The following LUC7L2 variants were observed in gnomAD, a reference collection of about 807,000 sequenced individuals.
LUC7L2 encodes LUC7 like 2, pre-mRNA splicing factor, also known as putative RNA-binding protein Luc7-like 2.
In LUC7L2, 25 loss-of-function variants were observed where a neutral mutation model predicts 52.8. The ratio of observed to expected loss-of-function variants is 0.47; its 90% CI spans 0.34 to 0.66. The LOEUF (loss-of-function observed/expected upper bound fraction) is 0.66. Ranked by LOEUF, LUC7L2 falls within the 30% of genes least tolerant of loss-of-function variation. LUC7L2 has a pLI of 0.01. For synonymous variants in LUC7L2, 144 were observed against 160.9 expected (o/e 0.89, Z 0.80); for missense variants, 328 against 497.8 (o/e 0.66, Z 3.25).
At chr7:139,346,547 G>C (rs1268277188) in intron 1 of LUC7L2, among the ~76,000 whole-genome samples, 1 of 152,224 alleles carries the variant, frequency 6.6e-6, no homozygotes, top group Non-Finnish European at 1.5e-5. Flanking sequence ...GGCGAATTAA[G>C]GTTGAGATGG....
At chr7:139,375,197 T>C in intron 1 of LUC7L2, 1 of 984,512 alleles carries the variant, frequency 1.0e-6, no homozygotes, top group Non-Finnish European at 1.2e-6. Flanking sequence ...TTGGAGCTAG[T>C]TACCTTTCTT....
At chr7:139,406,773 G>C (rs914873505) in intron 5 of LUC7L2, among the ~76,000 whole-genome samples, 1 of 152,084 alleles carries the variant, frequency 6.6e-6, no homozygotes, top group African/African-American at 2.4e-5. Context: ...AATATCTGTA[G>C]AATGTTTGCA....
intron 8 of LUC7L2, chr7:139,416,625 C>G (rs1795635077): frequency 6.6e-6 from 1 of 152,380 alleles, no homozygotes; most frequent in Non-Finnish European, 1.5e-5. Context: ...CCTTGACTTC[C>G]TGGGCTTGGG....
At chr7:139,348,448 C>T (rs1337586531) in intron 1 of LUC7L2, among the ~76,000 whole-genome samples, 3 of 151,924 alleles carry the variant, frequency 2.0e-5, no homozygotes, top group East Asian at 1.9e-4. Context: ...AGGCCGGGCA[C>T]GGTGGCTCAT....
intron 2 of LUC7L2, among the ~76,000 whole-genome samples, chr7:139,391,883 G>A (rs900583524): frequency 2.6e-5 from 4 of 152,050 alleles, no homozygotes; most frequent in East Asian, 3.9e-4. Flanking sequence ...CACCACGCCC[G>A]GCCTGGCTTC....
chr7:139,398,609 T>G lies in LUC7L2; in HGVS notation c.167T>G (p.Leu56Arg). ...HDVLSGTRMD[L>R]GECLKVHDLA... ...TTTTTTCCCTTCCAGAGAATGGATC[T>G]TGGAGAATGTCTGAAAGTCCATGAC... The change falls in exon 3 of 10, where the codon CTT (leucine) becomes CGT (arginine). Residue 56 changes from leucine (L) to arginine (R), a missense_variant. Physicochemically the swap from Leu to Arg is moderately radical, Grantham distance 102. Coordinates refer to ENST00000354926, the MANE Select transcript of LUC7L2 (RefSeq NM_016019.5). 1 of 1,608,414 alleles carries G rather than the reference T, an allele frequency of 6.2e-7. No individual in the cohort carries two copies. The highest frequency in any genetic ancestry group is 8.5e-7 in the Non-Finnish European group (1 of 1,178,528).
chr7:139,361,517 C>T (rs1272705747), intron 1 of LUC7L2, among the ~76,000 whole-genome samples: 1 of 152,148 alleles, frequency 6.6e-6, no homozygotes, highest in African/African-American at 2.4e-5. Flanking sequence ...TCAGTGTTCA[C>T]ATTTTCAGTT....
intron 2 of LUC7L2, among the ~76,000 whole-genome samples, chr7:139,396,486 T>C (rs1288873763): frequency 6.6e-6 from 1 of 152,122 alleles, no homozygotes. Context: ...GTCTGACTCA[T>C]TGGAGTCCCT....
At chr7:139,419,642 G>A (rs549033893) in intron 9 of LUC7L2, among the ~76,000 whole-genome samples, 17 of 152,240 alleles carry the variant, frequency 1.1e-4, no homozygotes, top group African/African-American at 4.1e-4. Flanking sequence ...ATTGGTGATG[G>A]GTATGGGAAG....
chr7:139,375,966 A>T (rs1381310458), intron 1 of LUC7L2, 96 bp from the exon 2 acceptor site: 3 of 1,225,852 alleles, frequency 2.4e-6, no homozygotes, highest in Non-Finnish European at 3.5e-6. Context: ...TAATGTGTGT[A>T]TATAGCCACA....
intron 2 of LUC7L2, among the ~76,000 whole-genome samples, chr7:139,397,026 G>A (rs780217314): frequency 6.6e-6 from 1 of 151,892 alleles, no homozygotes; most frequent in Non-Finnish European, 1.5e-5. Flanking sequence ...TCATACGTTT[G>A]TTTTATACAT....
intron 1 of LUC7L2, among the ~76,000 whole-genome samples, chr7:139,369,501 T>C (rs1456983850): frequency 2.0e-5 from 3 of 152,092 alleles, no homozygotes; most frequent in African/African-American, 7.2e-5. Flanking sequence ...TGAGAGAAGA[T>C]AGGTGCAGGG....
At chr7:139,361,727 A>G (rs980946847) in intron 1 of LUC7L2, among the ~76,000 whole-genome samples, 2 of 151,930 alleles carry the variant, frequency 1.3e-5, no homozygotes, top group South Asian at 4.1e-4. Context: ...AAGAATGGTT[A>G]CTTTATCACT....
chr7:139,344,600 G>A (rs1726698611), intron 1 of LUC7L2, among the ~76,000 whole-genome samples: 1 of 151,426 alleles, frequency 6.6e-6, no homozygotes, highest in African/African-American at 2.4e-5. Flanking sequence ...TAAGTAATAT[G>A]AACATAAGCA....
At chr7:139,421,611 A>ATAAT (rs1795907529) in intron 9 of LUC7L2, among the ~76,000 whole-genome samples, 1 of 152,242 alleles carries the variant, frequency 6.6e-6, no homozygotes, top group Non-Finnish European at 1.5e-5. Flanking sequence ...ATTCATATTA[A>ATAAT]TAATTGAGTA....
chr7:139,345,813 T>A, intron 1 of LUC7L2: 1 of 1,236,938 alleles, frequency 8.1e-7, no homozygotes. Context: ...CTCTGTAATT[T>A]TGTTTACTAG....
At chr7:139,364,599 A>G (rs1800052806) in intron 1 of LUC7L2, among the ~76,000 whole-genome samples, 1 of 152,216 alleles carries the variant, frequency 6.6e-6, no homozygotes, top group African/African-American at 2.4e-5. Context: ...AGTTTGTGGG[A>G]TATAAAACTG....
rs76276046 is a variant in LUC7L2 at position 139,380,926 on chromosome 7, C to G, written c.156+4770C>G. ...TTTATAGTAGACTTTAAATATAAAG[C>G]AAAGATGTTAACAGAAACTTGAAAT... On this transcript the variant is annotated intron_variant, in intron 2 of 9. Transcript: ENST00000354926. Among the ~76,000 whole-genome samples, 942 of 152,184 alleles carry G rather than the reference C, an allele frequency of 6.2e-3. 30 individuals carry two copies. In the East Asian group the frequency reaches 0.082, roughly 13 times the overall value.
chr7:139,395,520 T>C (rs1233622944), intron 2 of LUC7L2, among the ~76,000 whole-genome samples: 1 of 152,232 alleles, frequency 6.6e-6, no homozygotes. Context: ...AGGACTTTTA[T>C]AACAGTGATG....
Sources: gnomAD v4.1 joint callset for allele counts (sites outside exome capture counted in the v4.1 genomes callset) on GRCh38, gnomAD v4.1.1 for gene constraint, MANE v1.5 for transcripts, NCBI Gene and HGNC (gene_info 2026-07-23, HGNC 2026-07-21) for gene names.